Variants in PTPRM observed in about 807,000 individuals in gnomAD.
The protein encoded by PTPRM is receptor-type tyrosine-protein phosphatase mu.
A neutral mutation model predicts 186.7 loss-of-function variants in PTPRM; 47 were observed. That is an observed-to-expected ratio of 0.25 (90% confidence interval 0.20 to 0.32). The LOEUF is 0.32. PTPRM is among the 10% of genes least tolerant of loss of function. PTPRM has a pLI of 1.00. For synonymous variants in PTPRM, 668 were observed against 674.9 expected (o/e 0.99, Z 0.16); for missense variants, 1,494 against 1,865.0 (o/e 0.80, Z 3.66).
intron 5 of PTPRM, among the ~76,000 whole-genome samples, chr18:7,927,539 G>C (rs1441114517): frequency 6.6e-6 from 1 of 151,726 alleles, no homozygotes; most frequent in East Asian, 1.9e-4. Context: ...CTGTCCTTCG[G>C]GTTTTAACCC....
intron 1 of PTPRM, among the ~76,000 whole-genome samples, chr18:7,711,287 G>A (rs545160068): frequency 1.3e-5 from 2 of 152,234 alleles, no homozygotes; most frequent in South Asian, 2.1e-4. Context: ...CGTGAGGGAC[G>A]GTGCACTCTG....
intron 4 of PTPRM, among the ~76,000 whole-genome samples, chr18:7,911,623 C>G (rs996452015): frequency 2.0e-5 from 3 of 152,058 alleles, no homozygotes; most frequent in Non-Finnish European, 4.4e-5. Context: ...CATACAAATT[C>G]CTTATCAGAC....
At chr18:7,755,980 T>G (rs2144684597) in intron 1 of PTPRM, among the ~76,000 whole-genome samples, 1 of 152,322 alleles carries the variant, frequency 6.6e-6, no homozygotes, top group South Asian at 2.1e-4. Flanking sequence ...TCATTTCCTC[T>G]GTTGTATCAG....
intron 1 of PTPRM, among the ~76,000 whole-genome samples, chr18:7,677,923 T>C (rs550651619): frequency 8.5e-5 from 13 of 152,154 alleles, no homozygotes; most frequent in Non-Finnish European, 1.3e-4. Flanking sequence ...ATTTATCATC[T>C]CTGCCCTAGG....
At chr18:7,869,946 G>A (rs936200658) in intron 2 of PTPRM, among the ~76,000 whole-genome samples, 12 of 152,074 alleles carry the variant, frequency 7.9e-5, no homozygotes, top group African/African-American at 2.9e-4. Context: ...CTAGAGATTG[G>A]GCCATATGCA....
chr18:8,161,165 T>G (rs183682148), intron 14 of PTPRM, among the ~76,000 whole-genome samples: 1 of 152,196 alleles, frequency 6.6e-6, no homozygotes, highest in Non-Finnish European at 1.5e-5. Context: ...ACTGAAAATA[T>G]TAACTTGGAA....
intron 7 of PTPRM, among the ~76,000 whole-genome samples, chr18:8,069,466 A>G (rs143194715): frequency 2.4e-4 from 36 of 152,352 alleles, no homozygotes; most frequent in African/African-American, 8.7e-4. Context: ...CATTCATCAG[A>G]ACTTAGGCAC....
chr18:8,362,715 A>G (rs1447588783), intron 23 of PTPRM, among the ~76,000 whole-genome samples: 1 of 152,174 alleles, frequency 6.6e-6, no homozygotes, highest in East Asian at 1.9e-4. Flanking sequence ...GAATTAGCAT[A>G]CTTCTGACTG....
chr18:7,760,367 G>A (rs915601280), intron 1 of PTPRM, among the ~76,000 whole-genome samples: 2 of 151,832 alleles, frequency 1.3e-5, no homozygotes, highest in Non-Finnish European at 2.9e-5. Context: ...GAAGAGTCTA[G>A]TATTGTTAAA....
chr18:7,761,170 A>G (rs1256232641), intron 1 of PTPRM, among the ~76,000 whole-genome samples: 2 of 152,200 alleles, frequency 1.3e-5, no homozygotes, highest in African/African-American at 2.4e-5. Flanking sequence ...GATTCATCAC[A>G]GTTTTTTGTG....
intron 32 of PTPRM, among the ~76,000 whole-genome samples, chr18:8,398,628 G>A (rs687930): frequency 0.32 from 48,133 of 151,834 alleles, 8,364 homozygotes; most frequent in Non-Finnish European, 0.39. Flanking sequence ...AAATTAGCCG[G>A]GCGTGGTGGC....
intron 1 of PTPRM, among the ~76,000 whole-genome samples, chr18:7,658,359 T>TATATATATATATATATAC (rs1491198247): frequency 1.5e-4 from 21 of 136,656 alleles, no homozygotes; most frequent in African/African-American, 5.6e-4. Context: ...TATATATATA[T>TATATATATATATATATAC]ACATACACAC....
chr18:8,252,482 T>C lies in PTPRM; in HGVS notation c.2555-6T>C, dbSNP rs1293643892. ...TTTTTTCTCCTGATATGTATCTTCT[T>C]AAAAGTGCCAATAAATGGTAAGTTC... On this transcript the variant is annotated splice_polypyrimidine_tract_variant and splice_region_variant and intron_variant, in intron 17 of 32. Transcript: ENST00000580170. 4 of 1,544,486 alleles carry C rather than the reference T, an allele frequency of 2.6e-6. No homozygotes were observed. The highest frequency in any genetic ancestry group is 1.7e-5 in the Admixed American group (1 of 59,908).
At chr18:7,625,939 T>C (rs973771291) in intron 1 of PTPRM, among the ~76,000 whole-genome samples, 3 of 152,184 alleles carry the variant, frequency 2.0e-5, no homozygotes, top group African/African-American at 7.2e-5. Context: ...TTGGGGCCCA[T>C]GAGCCTGGGT....
chr18:8,101,071 C>T (rs1309008678), intron 11 of PTPRM, among the ~76,000 whole-genome samples: 3 of 152,156 alleles, frequency 2.0e-5, no homozygotes, highest in African/African-American at 7.2e-5. Context: ...ATCAAAACAT[C>T]CCAGCAATAA....
At chr18:7,923,793 T>G (rs570503040) in intron 4 of PTPRM, among the ~76,000 whole-genome samples, 2 of 152,322 alleles carry the variant, frequency 1.3e-5, no homozygotes, top group East Asian at 3.9e-4. Context: ...AGTCAACTAC[T>G]TGAAGTTCAG....
At chr18:7,822,940 G>A (rs554718594) in intron 2 of PTPRM, among the ~76,000 whole-genome samples, 21 of 152,192 alleles carry the variant, frequency 1.4e-4, no homozygotes, top group Non-Finnish European at 2.2e-4. Context: ...TATAGTCTCC[G>A]TGACATCCTG....
intron 1 of PTPRM, chr18:7,741,693 A>G (rs2040887959): frequency 6.6e-6 from 1 of 152,206 alleles, no homozygotes; most frequent in African/African-American, 2.4e-5. Flanking sequence ...AGGAATTTTC[A>G]TCTTGGTAAG....
chr18:8,264,590 G>A (rs900345727), intron 19 of PTPRM, among the ~76,000 whole-genome samples: 12 of 152,054 alleles, frequency 7.9e-5, no homozygotes, highest in African/African-American at 2.4e-4. Flanking sequence ...CCAACACAGC[G>A]AAACGCTGTC....
Sources: allele counts gnomAD v4.1 joint callset (sites outside exome capture counted in the v4.1 genomes callset), GRCh38; gene constraint gnomAD v4.1.1; transcripts MANE v1.5; gene names NCBI Gene and HGNC (gene_info 2026-07-23, HGNC 2026-07-21).